The following MITF variants were observed in gnomAD, a reference collection of about 807,000 sequenced individuals.
MITF encodes microphthalmia-associated transcription factor.
Under a neutral mutation model 60.5 loss-of-function variants are expected in MITF, and 17 were observed. That is an observed-to-expected ratio of 0.28 (90% confidence interval 0.19 to 0.42). MITF has a LOEUF of 0.42. Ranked by LOEUF, MITF falls within the 10% of genes least tolerant of loss-of-function variation. The pLI, the probability that MITF is intolerant of heterozygous loss-of-function variation, is 1.00. For synonymous variants in MITF, 260 were observed against 248.5 expected (o/e 1.05, Z -0.43); for missense variants, 622 against 683.5 (o/e 0.91, Z 1.00).
In MITF at chr3:69,829,953, G is replaced by A. The variant is rs377593838; in HGVS notation, c.105-49181G>A. 1.3e-4 allele frequency among the ~76,000 whole-genome samples: 20 copies of A among 152,246 alleles called. 1 individual carries two copies. In the South Asian group the frequency reaches 3.5e-3, roughly 27 times the overall value. On this transcript the variant is annotated intron_variant, in intron 1 of 9. Transcript: ENST00000352241. ...GAGGAACCTTAGAATTCACTGCCACGTATCACTGTTTCCTCTAGGGATATC... is the reference window on the plus strand; with the variant it reads ...GAGGAACCTTAGAATTCACTGCCACATATCACTGTTTCCTCTAGGGATATC...
chr3:69,818,619 T>C (rs2063218538), intron 1 of MITF, among the ~76,000 whole-genome samples: 1 of 152,222 alleles, frequency 6.6e-6, no homozygotes, highest in Non-Finnish European at 1.5e-5. Flanking sequence ...CTATGTAGCA[T>C]TTATAATATA....
intron 4 of MITF, among the ~76,000 whole-genome samples, chr3:69,940,933 T>C (rs1448884821): frequency 6.6e-6 from 1 of 152,210 alleles, no homozygotes; most frequent in Non-Finnish European, 1.5e-5. Context: ...GTACCTGCCA[T>C]GATACGGTTT....
intron 1 of MITF, among the ~76,000 whole-genome samples, chr3:69,788,008 A>G (rs938171836): frequency 4.6e-5 from 7 of 152,236 alleles, no homozygotes; most frequent in Admixed American, 3.9e-4. Context: ...TCTGTTTTGA[A>G]GATGAGAAAA....
intron 2 of MITF, among the ~76,000 whole-genome samples, chr3:69,922,127 C>A (rs2065480940): frequency 6.6e-6 from 1 of 152,220 alleles, no homozygotes; most frequent in Non-Finnish European, 1.5e-5. Context: ...GGGTTGTAAG[C>A]CCCTTGATGA....
At chr3:69,824,694 C>T (rs1342551801) in intron 1 of MITF, among the ~76,000 whole-genome samples, 1 of 152,206 alleles carries the variant, frequency 6.6e-6, no homozygotes, top group African/African-American at 2.4e-5. Context: ...CCATGTTCCT[C>T]CAGGGCTCTG....
intron 1 of MITF, chr3:69,763,719 G>T: frequency 2.3e-6 from 3 of 1,331,314 alleles, no homozygotes; most frequent in Non-Finnish European, 2.9e-6. Context: ...CTCTTCTGTA[G>T]CTTGTTTGGT....
chr3:69,889,025 G>GTT (rs4057977), intron 2 of MITF, among the ~76,000 whole-genome samples: 6,248 of 58,694 alleles, frequency 0.11, 956 homozygotes, highest in East Asian at 0.16. Context: ...ATAGCCTTTG[G>GTT]TTTTTTTTTT....
At chr3:69,768,857 C>A (rs2062344342) in intron 1 of MITF, among the ~76,000 whole-genome samples, 1 of 152,170 alleles carries the variant, frequency 6.6e-6, no homozygotes, top group South Asian at 2.1e-4. Flanking sequence ...TAAGTTCAAG[C>A]ACTGTGTTTT....
At chr3:69,808,972 C>G (rs979155583) in intron 1 of MITF, among the ~76,000 whole-genome samples, 5 of 151,948 alleles carry the variant, frequency 3.3e-5, no homozygotes, top group African/African-American at 1.2e-4. Context: ...AGTGGCTTTG[C>G]ATTAATCCAA....
chr3:69,863,081 A>T (rs542008536), intron 1 of MITF, among the ~76,000 whole-genome samples: 1 of 152,156 alleles, frequency 6.6e-6, no homozygotes, highest in Non-Finnish European at 1.5e-5. Flanking sequence ...TGCCCAAGAC[A>T]GTTGCTTACA....
At chr3:69,753,792 A>G (rs1704025948) in intron 1 of MITF, among the ~76,000 whole-genome samples, 1 of 152,240 alleles carries the variant, frequency 6.6e-6, no homozygotes, top group Admixed American at 6.5e-5. Context: ...TTGAACAGGA[A>G]AATTTACCCA....
chr3:69,772,415 C>G (rs965739538), intron 1 of MITF, among the ~76,000 whole-genome samples: 4 of 152,178 alleles, frequency 2.6e-5, no homozygotes, highest in Non-Finnish European at 5.9e-5. Flanking sequence ...AGTCTAGTCT[C>G]TTTTTTGGGA....
chr3:69,787,133 C>A (rs1457120073), intron 1 of MITF, among the ~76,000 whole-genome samples: 1 of 152,132 alleles, frequency 6.6e-6, no homozygotes, highest in Non-Finnish European at 1.5e-5. Context: ...GAAGCTCAAA[C>A]CGTTCTTATT....
chr3:69,938,194 T>C, intron 3 of MITF, 145 bp downstream of exon 3: 1 of 1,151,294 alleles, frequency 8.7e-7, no homozygotes, highest in Non-Finnish European at 1.3e-6. Flanking sequence ...ATCGTGGCTG[T>C]GGCATTCCAG....
In MITF at chr3:69,956,359, C is replaced by G. The variant is rs946908921; in HGVS notation, c.956-96C>G. 20 of 963,642 alleles carry G rather than the reference C, an allele frequency of 2.1e-5. No individual in the cohort carries two copies. The African/African-American group carries it at 2.6e-4, about 12-fold the overall frequency. 59.7% of individuals were successfully genotyped at this position (963,642 alleles called of 1,614,324 possible). On this transcript the variant is annotated intron_variant, in intron 7 of 9. Coordinates refer to ENST00000352241, the MANE Select transcript of MITF (RefSeq NM_001354604.2). ...TAGGTTCAGGTTTCCGTTGTCATGA[C>G]CTGGAGAAGTTAATATGCACATGCC...
chr3:69,857,775 A>G (rs764742638), intron 1 of MITF, among the ~76,000 whole-genome samples: 3 of 152,174 alleles, frequency 2.0e-5, no homozygotes, highest in African/African-American at 4.8e-5. Context: ...TCTTAAGCCT[A>G]TTGAACAGTG....
chr3:69,743,859 C>T (rs1273235864), intron 1 of MITF, among the ~76,000 whole-genome samples: 1 of 152,284 alleles, frequency 6.6e-6, no homozygotes, highest in Non-Finnish European at 1.5e-5. Flanking sequence ...CATTTTAAAC[C>T]GTAGGAGCAT....
At chr3:69,782,140 G>C (rs2062575658) in intron 1 of MITF, among the ~76,000 whole-genome samples, 1 of 152,218 alleles carries the variant, frequency 6.6e-6, no homozygotes, top group Admixed American at 6.5e-5. Flanking sequence ...AGCCTGAGTG[G>C]CTGTACACAG....
At chr3:69,894,674 G>GA (rs201815152) in intron 2 of MITF, among the ~76,000 whole-genome samples, 2,692 of 111,436 alleles carry the variant, frequency 0.024, 32 homozygotes, top group East Asian at 0.045. Flanking sequence ...CAACAAGAGT[G>GA]AAAAAAAAAA....
Sources: gnomAD v4.1 joint callset for allele counts (sites outside exome capture counted in the v4.1 genomes callset) on GRCh38, gnomAD v4.1.1 for gene constraint, MANE v1.5 for transcripts, NCBI Gene and HGNC (gene_info 2026-07-23, HGNC 2026-07-21) for gene names.